RINT1: variants seen among roughly 807,000 people sequenced by gnomAD.
RINT1 encodes the protein RAD50-interacting protein 1.
Under a neutral mutation model 97.7 loss-of-function variants are expected in RINT1, and 75 were observed. That is an observed-to-expected ratio of 0.77 (90% confidence interval 0.64 to 0.93). The LOEUF (loss-of-function observed/expected upper bound fraction) is 0.93, where lower values mean the gene tolerates loss of function less well. Among genes scored for constraint, RINT1 ranks in the 40% least tolerant of loss-of-function variants. RINT1 has a pLI of 0.00. For synonymous variants in RINT1, 303 were observed against 326.3 expected, an observed-to-expected ratio of 0.93 and a Z score of 0.77; for missense variants, 892 against 925.2, an observed-to-expected ratio of 0.96 and a Z score of 0.47.
At chr7:105,560,464 C>T (rs906581311) in intron 11 of RINT1, among the ~76,000 whole-genome samples, 9 of 151,792 alleles carry the variant, frequency 5.9e-5, no homozygotes, top group African/African-American at 2.2e-4. Context: ...GGCGGGGGCA[C>T]GGGAGGAGAG....
At chr7:105,552,863 G>A (rs1216594185) in intron 10 of RINT1, among the ~76,000 whole-genome samples, 2 of 151,516 alleles carry the variant, frequency 1.3e-5, no homozygotes, top group East Asian at 3.9e-4. Flanking sequence ...TAGTAGAGAC[G>A]GGGTTTCACC....
At chr7:105,557,813 T>C (rs1791249814) in intron 11 of RINT1, among the ~76,000 whole-genome samples, 1 of 152,144 alleles carries the variant, frequency 6.6e-6, no homozygotes, top group African/African-American at 2.4e-5. Flanking sequence ...ATCATAGATA[T>C]AAACAAGATA....
chr7:105,565,603 C>G lies in RINT1; in HGVS notation c.2141C>G (p.Pro714Arg), dbSNP rs1433678307. The G allele has an allele frequency of 6.2e-7, 1 of 1,613,778 alleles. No homozygotes were observed. The highest frequency in any genetic ancestry group is 8.5e-7 in the Non-Finnish European group (1 of 1,179,810). ...LQFDMTRNLF[P>R]LFSHYCKRPE... is the part of the protein sequence containing the mutation. ...TTTGATATGACTCGGAATCTTTTCC[C>G]TTTGTTTTCTCACTATTGCAAGAGA... Residue 714 changes from proline (P) to arginine (R), a missense_variant, in exon 14 of 15, where the codon CCT becomes CGT. Pro to Arg is a moderately radical substitution (Grantham distance 103). Transcript: ENST00000257700.
chr7:105,555,544 AATG>A (rs752932705), intron 11 of RINT1, among the ~76,000 whole-genome samples: 10 of 152,258 alleles, frequency 6.6e-5, no homozygotes, highest in Non-Finnish European at 1.5e-4. Flanking sequence ...AAGATTAAAT[AATG>A]ATGTCAAAAG....
chr7:105,542,304 C>G, intron 3 of RINT1, 104 bp from the exon 4 acceptor site: 6 of 847,682 alleles, frequency 7.1e-6, no homozygotes, highest in Middle Eastern at 3.7e-4. Context: ...CACTGCACTC[C>G]AGCCTGGGCA....
chr7:105,546,529 A>G (rs1437583746), intron 4 of RINT1, among the ~76,000 whole-genome samples: 1 of 152,186 alleles, frequency 6.6e-6, no homozygotes. Context: ...TAAAACATGA[A>G]GAAGAAGCAC....
intron 2 of RINT1, among the ~76,000 whole-genome samples, chr7:105,533,779 A>T (rs1228252178): frequency 6.6e-6 from 1 of 152,158 alleles, no homozygotes; most frequent in Non-Finnish European, 1.5e-5. Context: ...TCTCTCAGTT[A>T]AACCCTTCCC....
intron 11 of RINT1, among the ~76,000 whole-genome samples, chr7:105,558,366 C>G (rs1009323268): frequency 1.3e-5 from 2 of 151,314 alleles, no homozygotes; most frequent in African/African-American, 4.8e-5. Flanking sequence ...TGTTGTGTTT[C>G]TAATTTAAGT....
intron 11 of RINT1, among the ~76,000 whole-genome samples, chr7:105,560,433 T>C (rs1791388610): frequency 6.6e-6 from 1 of 152,112 alleles, no homozygotes; most frequent in South Asian, 2.1e-4. Flanking sequence ...CCATGACACA[T>C]TGCCATGCAA....
At chr7:105,565,010 A>AT (rs1791633940) in intron 12 of RINT1, 2 of 304,910 alleles carry the variant, frequency 6.6e-6, no homozygotes, top group African/African-American at 4.3e-5. Flanking sequence ...ATTAAGTGAC[A>AT]TTTTAAATTG....
intron 3 of RINT1, chr7:105,541,672 AG>A (rs1790465702): frequency 6.6e-6 from 1 of 152,128 alleles, no homozygotes; most frequent in Non-Finnish European, 1.5e-5. Flanking sequence ...GCTATTTAGG[AG>A]GCTGAGGCAG....
chr7:105,551,484 G>T, intron 9 of RINT1, 86 bp from the exon 10 acceptor site: 1 of 1,180,962 alleles, frequency 8.5e-7, no homozygotes, highest in Non-Finnish European at 1.2e-6. Flanking sequence ...TTATAGAAAA[G>T]CCATCATTCC....
At chr7:105,536,501 T>C (rs894710939) in intron 2 of RINT1, 64 bp from the exon 3 acceptor site, 7 of 1,228,332 alleles carry the variant, frequency 5.7e-6, no homozygotes, top group East Asian at 4.9e-5. Flanking sequence ...TTTTATATGT[T>C]TTATATTTTC....
chr7:105,543,346 A>G (rs993003540), intron 4 of RINT1, among the ~76,000 whole-genome samples: 3 of 152,068 alleles, frequency 2.0e-5, no homozygotes, highest in African/African-American at 7.2e-5. Flanking sequence ...TAATTTGAAT[A>G]TTTTTCAGTG....
chr7:105,561,570 T>C (rs763484340), intron 11 of RINT1, among the ~76,000 whole-genome samples: 1 of 152,150 alleles, frequency 6.6e-6, no homozygotes, highest in Non-Finnish European at 1.5e-5. Context: ...TTTTTTGTTG[T>C]CATTTTTTGA....
rs1292310569 is a variant in RINT1, at chr7:105,563,760, C to T, written c.1699C>T (p.Leu567=). The part of the protein sequence containing the change: ...VFFLQLQQAA[L]EVFAENNTLS... ...CTTTCTACAACTTCAACAGGCTGCA[C>T]TGGAGGTGTTTGCAGAGAATAATAC... Residue 567 remains leucine, a synonymous_variant, in exon 12 of 15, where the codon CTG becomes TTG. Coordinates refer to ENST00000257700, the MANE Select transcript of RINT1 (RefSeq NM_021930.6). 1.2e-6 allele frequency: 2 copies of T among 1,613,930 alleles called. No individual in the cohort carries two copies. The highest frequency in any genetic ancestry group is 8.5e-7 in the Non-Finnish European group (1 of 1,179,952).
At chr7:105,549,763 A>T (rs764899233) in intron 7 of RINT1, among the ~76,000 whole-genome samples, 1 of 152,188 alleles carries the variant, frequency 6.6e-6, no homozygotes, top group South Asian at 2.1e-4. Flanking sequence ...TGTAATACTC[A>T]TCATTTTACA....
At chr7:105,562,742 CAAA>C (rs1029737369) in intron 11 of RINT1, among the ~76,000 whole-genome samples, 3 of 145,238 alleles carry the variant, frequency 2.1e-5, no homozygotes, top group African/African-American at 7.5e-5. Flanking sequence ...ACGAAAGTTA[CAAA>C]AAAAAAAATT....
intron 6 of RINT1, among the ~76,000 whole-genome samples, chr7:105,548,037 C>CT (rs889646141): frequency 7.9e-5 from 12 of 151,564 alleles, no homozygotes; most frequent in African/African-American, 1.5e-4. Context: ...CATTTTTGTG[C>CT]TTTTTTTAAA....
Sources: gnomAD v4.1 joint callset for allele counts (sites outside exome capture counted in the v4.1 genomes callset) on GRCh38, gnomAD v4.1.1 for gene constraint, MANE v1.5 for transcripts, NCBI Gene and HGNC (gene_info 2026-07-23, HGNC 2026-07-21) for gene names.